Variants in TMEM108 observed in about 807,000 individuals in gnomAD.
TMEM108 encodes the protein cancer/testis antigen 124.
TMEM108 carries 12 observed loss-of-function variants against 35.1 expected under a neutral mutation model. The ratio of observed to expected loss-of-function variants is 0.34; its 90% confidence interval spans 0.22 to 0.55. The LOEUF is 0.55. Among genes scored for constraint, TMEM108 ranks in the 20% least tolerant of loss-of-function variants. TMEM108 has a pLI of 0.89. For missense variants in TMEM108, 680 were observed against 753.3 expected (o/e 0.90, Z 1.14); for synonymous variants, 287 against 308.6 (o/e 0.93, Z 0.73).
intron 2 of TMEM108, among the ~76,000 whole-genome samples, chr3:133,079,591 A>G (rs1236667995): frequency 6.6e-6 from 1 of 152,190 alleles, no homozygotes; most frequent in Non-Finnish European, 1.5e-5. Flanking sequence ...CACTCATCCC[A>G]TTCTTGAGAG....
At chr3:133,096,331 A>T (rs1024020962) in intron 2 of TMEM108, among the ~76,000 whole-genome samples, 2 of 152,100 alleles carry the variant, frequency 1.3e-5, no homozygotes, top group Non-Finnish European at 2.9e-5. Context: ...GCTAATTTTT[A>T]AAAAATTTTT....
At chr3:133,043,238 T>C (rs1490376278) in intron 1 of TMEM108, among the ~76,000 whole-genome samples, 2 of 152,202 alleles carry the variant, frequency 1.3e-5, no homozygotes, top group Non-Finnish European at 2.9e-5. Flanking sequence ...TTTGATCTTA[T>C]ACATTTCACA....
At chr3:133,236,980 G>C (rs150514518) in intron 3 of TMEM108, among the ~76,000 whole-genome samples, 9 of 152,218 alleles carry the variant, frequency 5.9e-5, no homozygotes, top group Admixed American at 2.0e-4. Flanking sequence ...GAGTTAAGGA[G>C]CTCCTCCCTC....
chr3:133,392,724 C>T (rs1474662959), intron 5 of TMEM108, among the ~76,000 whole-genome samples: 8 of 152,294 alleles, frequency 5.3e-5, no homozygotes, highest in Admixed American at 2.0e-4. Flanking sequence ...TTCCTTCCTG[C>T]ACACCCCACT....
At chr3:133,308,211 G>A (rs533784349) in intron 3 of TMEM108, among the ~76,000 whole-genome samples, 3 of 152,246 alleles carry the variant, frequency 2.0e-5, no homozygotes, top group East Asian at 1.9e-4. Flanking sequence ...TATGGGTTTT[G>A]TATCCTGAGA....
intron 3 of TMEM108, among the ~76,000 whole-genome samples, chr3:133,311,327 C>G (rs994594686): frequency 1.3e-5 from 2 of 152,210 alleles, no homozygotes; most frequent in Admixed American, 1.3e-4. Flanking sequence ...GTTCCATTCT[C>G]CCTGTCACTT....
At chr3:133,189,793 G>T (rs1945472892) in intron 2 of TMEM108, among the ~76,000 whole-genome samples, 1 of 152,200 alleles carries the variant, frequency 6.6e-6, no homozygotes, top group African/African-American at 2.4e-5. Context: ...GCGGCCAAAA[G>T]TAGGGAAGAA....
chr3:133,324,582 A>T (rs2071306519), intron 3 of TMEM108, among the ~76,000 whole-genome samples: 2 of 152,382 alleles, frequency 1.3e-5, no homozygotes. Flanking sequence ...AATGTAAACT[A>T]GTACAACCAC....
intron 3 of TMEM108, among the ~76,000 whole-genome samples, chr3:133,330,244 G>A (rs1252584400): frequency 1.3e-5 from 2 of 152,198 alleles, no homozygotes; most frequent in East Asian, 3.8e-4. Context: ...AGCTGCTGCT[G>A]AGACTCCTCT....
In TMEM108 at chr3:133,229,724, C is replaced by T. The variant is rs149533462; in HGVS notation, c.40+373C>T. Among the ~76,000 whole-genome samples the T allele has an allele frequency of 6.6e-5, 10 of 152,260 alleles. No homozygotes were observed. The South Asian group carries it at 1.0e-3, about 16-fold the overall frequency. On this transcript the variant is annotated intron_variant, in intron 3 of 5. Transcript: ENST00000321871. ...TAGTTTAGTATTCTTCCAGGATGACCTGCTGTAGATTCCTCATGAAGAGGA... is the reference window on the plus strand; with the variant it reads ...TAGTTTAGTATTCTTCCAGGATGACTTGCTGTAGATTCCTCATGAAGAGGA...
intron 2 of TMEM108, among the ~76,000 whole-genome samples, chr3:133,191,055 T>A (rs1033748246): frequency 5.9e-5 from 9 of 152,170 alleles, no homozygotes; most frequent in African/African-American, 2.2e-4. Flanking sequence ...TTCATTTTTA[T>A]TCTTAATGAT....
At chr3:133,208,520 A>G (rs1176004353) in intron 2 of TMEM108, among the ~76,000 whole-genome samples, 1 of 152,064 alleles carries the variant, frequency 6.6e-6, no homozygotes, top group Non-Finnish European at 1.5e-5. Context: ...GTTAGTAGGC[A>G]TTTATTTCTT....
chr3:133,223,593 A>G (rs537927240), intron 2 of TMEM108, among the ~76,000 whole-genome samples: 1 of 152,308 alleles, frequency 6.6e-6, no homozygotes, highest in South Asian at 2.1e-4. Context: ...ATTTTCTATT[A>G]TATGGTTGAA....
At chr3:133,153,918 C>A (rs890466008) in intron 2 of TMEM108, among the ~76,000 whole-genome samples, 1 of 152,112 alleles carries the variant, frequency 6.6e-6, no homozygotes, top group Non-Finnish European at 1.5e-5. Context: ...ACTTTACACA[C>A]ACCATGTATT....
At chr3:133,341,865 A>C (rs887566045) in intron 3 of TMEM108, among the ~76,000 whole-genome samples, 11 of 151,896 alleles carry the variant, frequency 7.2e-5, no homozygotes, top group Admixed American at 2.6e-4. Context: ...ATCTTTCACC[A>C]TATTACAAAA....
At chr3:133,159,635 T>A (rs1483647548) in intron 2 of TMEM108, among the ~76,000 whole-genome samples, 1 of 152,188 alleles carries the variant, frequency 6.6e-6, no homozygotes, top group Non-Finnish European at 1.5e-5. Flanking sequence ...CATGTTAACT[T>A]ACTTCTCATA....
intron 3 of TMEM108, among the ~76,000 whole-genome samples, chr3:133,315,027 C>T (rs947370083): frequency 2.0e-5 from 3 of 152,094 alleles, no homozygotes; most frequent in Non-Finnish European, 2.9e-5. Flanking sequence ...TGTTTTGTCT[C>T]GGTTTTCCTG....
intron 3 of TMEM108, among the ~76,000 whole-genome samples, chr3:133,284,535 C>T (rs1316782071): frequency 6.6e-6 from 1 of 152,236 alleles, no homozygotes; most frequent in Non-Finnish European, 1.5e-5. Flanking sequence ...GACATTCCTA[C>T]CTTGTCCTCT....
chr3:133,163,691 GGA>G (rs985201455), intron 2 of TMEM108, among the ~76,000 whole-genome samples: 1 of 152,176 alleles, frequency 6.6e-6, no homozygotes, highest in Non-Finnish European at 1.5e-5. Flanking sequence ...TGAAGACTAT[GGA>G]GAGAGGGAGG....
Sources: gnomAD v4.1 joint callset for allele counts (sites outside exome capture counted in the v4.1 genomes callset) on GRCh38, gnomAD v4.1.1 for gene constraint, MANE v1.5 for transcripts, NCBI Gene and HGNC (gene_info 2026-07-23, HGNC 2026-07-21) for gene names.